Variants in MAST4 observed in about 807,000 individuals in gnomAD.
MAST4 encodes microtubule-associated serine/threonine-protein kinase 4.
Under a neutral mutation model 162.7 loss-of-function variants are expected in MAST4, and 89 were observed. The observed-to-expected ratio is 0.55, with a 90% CI of 0.46 to 0.65. The LOEUF (loss-of-function observed/expected upper bound fraction) is 0.65. MAST4 is among the 30% of genes least tolerant of loss of function. The pLI is 0.00. For missense variants in MAST4, 3,153 were observed against 3,374.0 expected, an observed-to-expected ratio of 0.93 and a Z score of 1.62; for synonymous variants, 1,479 against 1,361.1, an observed-to-expected ratio of 1.09 and a Z score of -1.91.
intron 4 of MAST4, among the ~76,000 whole-genome samples, chr5:67,023,485 A>G (rs1053336128): frequency 6.6e-6 from 1 of 152,170 alleles, no homozygotes; most frequent in African/African-American, 2.4e-5. Context: ...CAGTGTTTCC[A>G]GAGCCCATTG....
intron 4 of MAST4, chr5:66,917,414 ATTAT>A (rs995775047): frequency 1.5e-4 from 25 of 162,126 alleles, no homozygotes; most frequent in Admixed American, 1.3e-3. Flanking sequence ...GAAATTGTTA[ATTAT>A]TATTTAATCA....
chr5:67,017,553 A>G (rs1053267531), intron 4 of MAST4, among the ~76,000 whole-genome samples: 1 of 151,748 alleles, frequency 6.6e-6, no homozygotes, highest in Non-Finnish European at 1.5e-5. Flanking sequence ...AAAGTTATGT[A>G]GCTAACATAC....
intron 4 of MAST4, among the ~76,000 whole-genome samples, chr5:66,959,727 C>T (rs1210998259): frequency 1.3e-5 from 2 of 152,204 alleles, no homozygotes; most frequent in Non-Finnish European, 2.9e-5. Context: ...TTGTGACGTT[C>T]ATTAGATGTG....
chr5:66,640,295 C>T (rs1745403818), intron 1 of MAST4, among the ~76,000 whole-genome samples: 1 of 151,226 alleles, frequency 6.6e-6, no homozygotes, highest in South Asian at 2.1e-4. Flanking sequence ...AGATGGATAT[C>T]TCACAATTTG....
At chr5:66,708,650 T>C (rs1750299800) in intron 1 of MAST4, among the ~76,000 whole-genome samples, 1 of 152,174 alleles carries the variant, frequency 6.6e-6, no homozygotes, top group Non-Finnish European at 1.5e-5. Flanking sequence ...CACCAAGCAT[T>C]CATTTTCCCC....
chr5:66,939,931 G>T (rs1743184179), intron 4 of MAST4, among the ~76,000 whole-genome samples: 1 of 152,048 alleles, frequency 6.6e-6, no homozygotes. Context: ...CCAGGCTGTG[G>T]TGGCTCATAC....
chr5:66,825,398 C>T (rs186324282), intron 3 of MAST4, among the ~76,000 whole-genome samples: 3 of 151,864 alleles, frequency 2.0e-5, no homozygotes, highest in African/African-American at 7.3e-5. Flanking sequence ...CTTATGGGAC[C>T]ACCATCATAT....
At chr5:66,913,815 T>C (rs561888632) in intron 4 of MAST4, among the ~76,000 whole-genome samples, 1 of 152,356 alleles carries the variant, frequency 6.6e-6, no homozygotes, top group East Asian at 1.9e-4. Context: ...TTTTTATACA[T>C]GGAGGGTGAG....
intron 4 of MAST4, among the ~76,000 whole-genome samples, chr5:66,960,384 T>C (rs186688168): frequency 2.6e-5 from 4 of 152,360 alleles, no homozygotes. Context: ...TACAAAAAGT[T>C]AGAGGGCTCT....
intron 5 of MAST4, among the ~76,000 whole-genome samples, chr5:67,073,905 T>C (rs905591465): frequency 6.6e-6 from 1 of 152,134 alleles, no homozygotes; most frequent in Non-Finnish European, 1.5e-5. Context: ...TTAATATATT[T>C]AGGATGGAGA....
chr5:66,787,781 G>C (rs1169820835), intron 2 of MAST4, among the ~76,000 whole-genome samples: 1 of 152,202 alleles, frequency 6.6e-6, no homozygotes, highest in African/African-American at 2.4e-5. Flanking sequence ...ATGTGTACAT[G>C]TCCTTTCATC....
At chr5:67,113,410 A>T (rs1173122039) in intron 11 of MAST4, among the ~76,000 whole-genome samples, 1 of 149,978 alleles carries the variant, frequency 6.7e-6, no homozygotes, top group African/African-American at 2.4e-5. Context: ...GAAGATTTTT[A>T]TTACACACTA....
In MAST4 at chr5:66,977,626, A is replaced by G. The variant is rs373864572; in HGVS notation, c.675-76778A>G. Among the ~76,000 whole-genome samples, 19 of 152,308 alleles carry G rather than the reference A, an allele frequency of 1.2e-4. 1 individual carries two copies. The highest frequency in any genetic ancestry group is 4.3e-4 in the African/African-American group (18 of 41,568). ...AATCCCTCATAATAGCTTCTTGGGC[A>G]TGAGTCACTGTTCCTCACCTTGATG... On this transcript the variant is annotated intron_variant, in intron 4 of 28. Transcript: ENST00000403625.
At chr5:66,612,357 G>A (rs1393405157) in intron 1 of MAST4, among the ~76,000 whole-genome samples, 1 of 152,176 alleles carries the variant, frequency 6.6e-6, no homozygotes, top group Non-Finnish European at 1.5e-5. Flanking sequence ...ACGAGTGCTG[G>A]TAAAGACTCC....
chr5:66,920,828 C>T (rs918025615), intron 4 of MAST4, among the ~76,000 whole-genome samples: 1 of 152,012 alleles, frequency 6.6e-6, no homozygotes, highest in Non-Finnish European at 1.5e-5. Flanking sequence ...TCCAGGGCTG[C>T]CTAATTTCTA....
At chr5:66,679,117 A>T (rs1040261759) in intron 1 of MAST4, among the ~76,000 whole-genome samples, 1 of 152,160 alleles carries the variant, frequency 6.6e-6, no homozygotes, top group Non-Finnish European at 1.5e-5. Flanking sequence ...TTTGTCAATT[A>T]TACCTTAATA....
intron 1 of MAST4, among the ~76,000 whole-genome samples, chr5:66,667,079 A>T (rs1346765707): frequency 6.6e-6 from 1 of 152,202 alleles, no homozygotes; most frequent in African/African-American, 2.4e-5. Flanking sequence ...GGGGAAGAGC[A>T]TATGGGGGTC....
In MAST4 at chr5:66,758,110, G is replaced by C. The variant is rs374704576; in HGVS notation, c.364-1599G>C. ...CACTCTGGAGTCCCTTTTTCCTACT[G>C]ATCTGGCTTTGATCTTGGAGTGGAT... is the stretch of plus-strand genomic sequence containing the variant. On this transcript the variant is annotated intron_variant, in intron 1 of 28. Coordinates refer to ENST00000403625, the MANE Select transcript of MAST4 (RefSeq NM_001164664.2). Among the ~76,000 whole-genome samples, 6 of 149,796 alleles carry C rather than the reference G, an allele frequency of 4.0e-5. No homozygotes were observed. In the Admixed American group the frequency reaches 4.0e-4, roughly 10 times the overall value.
chr5:66,608,652 G>T (rs1296924194), intron 1 of MAST4, among the ~76,000 whole-genome samples: 1 of 152,006 alleles, frequency 6.6e-6, no homozygotes, highest in Non-Finnish European at 1.5e-5. Context: ...TCTTGATGCT[G>T]GAGCACTCTG....
Sources: gnomAD v4.1 joint callset for allele counts (sites outside exome capture counted in the v4.1 genomes callset) on GRCh38, gnomAD v4.1.1 for gene constraint, MANE v1.5 for transcripts, NCBI Gene and HGNC (gene_info 2026-07-23, HGNC 2026-07-21) for gene names.